The following DIAPH2 variants were observed in gnomAD, a reference collection of about 807,000 sequenced individuals.
DIAPH2 encodes protein diaphanous homolog 2.
A neutral mutation model predicts 92.7 loss-of-function variants in DIAPH2; 35 were observed. The observed-to-expected ratio is 0.38, with a 90% confidence interval of 0.29 to 0.50. The LOEUF (loss-of-function observed/expected upper bound fraction) is 0.50, where lower values mean the gene tolerates loss of function less well. Among genes scored for constraint, DIAPH2 ranks in the 20% least tolerant of loss-of-function variants. The pLI is 0.94. For missense variants in DIAPH2, 701 were observed against 819.5 expected (o/e 0.86, Z 1.77); for synonymous variants, 301 against 280.4 (o/e 1.07, Z -0.73).
chrX:96,715,280 TAAA>T (rs1002341981), intron 1 of DIAPH2, among the ~76,000 whole-genome samples: 1 of 110,671 alleles, frequency 9.0e-6, no homozygotes, highest in Non-Finnish European at 1.9e-5. Flanking sequence ...TCAGTCCAAA[TAAA>T]AAAAAATCTA....
chrX:97,360,883 T>C (rs1358554112), intron 24 of DIAPH2, among the ~76,000 whole-genome samples: 1 of 110,440 alleles, frequency 9.1e-6, no homozygotes, highest in East Asian at 2.8e-4. Context: ...GATGAAGCCT[T>C]TTTTAGGTGA....
intron 3 of DIAPH2, among the ~76,000 whole-genome samples, chrX:96,748,917 C>T (rs1263195244): frequency 9.0e-6 from 1 of 110,553 alleles, no homozygotes; most frequent in Non-Finnish European, 1.9e-5. Context: ...ATTTCAGTGT[C>T]CACAAATAAA....
rs184873024 is a variant in DIAPH2, at chrX:96,880,449, A to G, written c.448-1130A>G. ...TTTCTACATTGAGGAGGCATTCTCAATAAAAACCCAAATAGTGTGAAATCA... is the reference window on the plus strand; with the variant it reads ...TTTCTACATTGAGGAGGCATTCTCAGTAAAAACCCAAATAGTGTGAAATCA... On this transcript the variant is annotated intron_variant, in intron 4 of 26. Transcript: ENST00000324765. Among the ~76,000 whole-genome samples, 3 of 111,980 alleles carry G rather than the reference A, an allele frequency of 2.7e-5. No homozygotes were observed. The East Asian group carries it at 8.4e-4, about 31-fold the overall frequency.
intron 23 of DIAPH2, among the ~76,000 whole-genome samples, chrX:97,294,820 G>A (rs1198638625): frequency 9.0e-6 from 1 of 111,606 alleles, no homozygotes; most frequent in Non-Finnish European, 1.9e-5. Flanking sequence ...TTACATTTGT[G>A]TTTTCTTTAC....
At chrX:96,987,357 T>C (rs886202518) in intron 17 of DIAPH2, among the ~76,000 whole-genome samples, 16 of 111,682 alleles carry the variant, frequency 1.4e-4, no homozygotes, top group African/African-American at 4.9e-4. Context: ...TCAACAAATA[T>C]GTATTGAATT....
intron 10 of DIAPH2, among the ~76,000 whole-genome samples, chrX:96,931,062 T>G (rs893437504): frequency 2.7e-5 from 3 of 112,092 alleles, no homozygotes; most frequent in African/African-American, 9.7e-5. Flanking sequence ...GATGTGTTTT[T>G]GTTTTTTGTT....
chrX:97,536,728 T>C, intron 26 of DIAPH2, among the ~76,000 whole-genome samples: 1 of 111,939 alleles, frequency 8.9e-6, no homozygotes, highest in East Asian at 2.8e-4. Flanking sequence ...TTGAAAATCA[T>C]GTACCCTGAA....
Position 97,062,237 on chromosome X carries a change from T to G in DIAPH2, c.2051-10704T>G, listed in dbSNP as rs184659927. Among the ~76,000 whole-genome samples the G allele has an allele frequency of 2.7e-5, 3 of 112,247 alleles. No individual in the cohort carries two copies. In the East Asian group the frequency reaches 8.4e-4, roughly 32 times the overall value. ...ACCAAGTATTGCCTTCAGTGTTAGA[T>G]TCCAAGATTTGGAAGATATTATAAA... is the stretch of plus-strand genomic sequence containing the variant. On this transcript the variant is annotated intron_variant, in intron 17 of 26. Transcript: ENST00000324765.
intron 1 of DIAPH2, among the ~76,000 whole-genome samples, chrX:96,692,113 A>G (rs1361703114): frequency 8.9e-6 from 1 of 112,118 alleles, no homozygotes; most frequent in Non-Finnish European, 1.9e-5. Flanking sequence ...AGTTAATGAG[A>G]CTTTTTTACA....
rs752750648 is a variant in DIAPH2, at chrX:97,269,855, C to G, written c.2844+22016C>G. Reference sequence around the variant, plus strand: ...GCAACCTCTGCCTCCCGAGTTCAAGCGATTCTCCTGCCTCAGCCTCCCGAG... The same window carrying G: ...GCAACCTCTGCCTCCCGAGTTCAAGGGATTCTCCTGCCTCAGCCTCCCGAG... On this transcript the variant is annotated intron_variant, in intron 23 of 26. Transcript: ENST00000324765. 2.4e-4 allele frequency among the ~76,000 whole-genome samples: 26 copies of G among 108,825 alleles called. No individual in the cohort carries two copies. In the Admixed American group the frequency reaches 2.5e-3, roughly 10 times the overall value. The allele number at this position is 108,825 out of a possible 115,157, so 94.5% of individuals were successfully genotyped here. A position where few individuals can be genotyped will look rare whatever the true frequency, so the allele number is the denominator to read the frequency against.
rs1419830482 is a variant in DIAPH2, at chrX:97,111,001, A to C, written c.2350-3725A>C. Among the ~76,000 whole-genome samples, 6 of 111,197 alleles carry C rather than the reference A, an allele frequency of 5.4e-5. 1 individual carries two copies. The highest frequency in any genetic ancestry group is 1.3e-4 in the African/African-American group (4 of 30,448). ...CCGTCTCAAAAAAAACAAACAAAAA[A>C]AAAAAGATGCCCTATTTGATGTCTG... On this transcript the variant is annotated intron_variant, in intron 20 of 26. Transcript: ENST00000324765.
chrX:97,403,403 G>T (rs980920289), intron 25 of DIAPH2, among the ~76,000 whole-genome samples: 1 of 112,246 alleles, frequency 8.9e-6, no homozygotes, highest in Non-Finnish European at 1.9e-5. Context: ...GATATGTGAA[G>T]AAATAGTTCT....
chrX:97,099,700 G>A lies in DIAPH2; in HGVS notation c.2254G>A (p.Val752Met), dbSNP rs2066893816. Reference protein sequence around the residue: ...MLSEALIQNLVKHLPEQKILN... With the variant: ...MLSEALIQNLMKHLPEQKILN... ...TACTTTTATTTCTTTTTAGAACCTT[G>A]TGAAACATCTTCCTGAGCAGAAGAT... Residue 752 changes from valine to methionine, a missense_variant, in exon 20 of 27, where the codon GTG (valine) becomes ATG (methionine). Coordinates refer to ENST00000324765, the MANE Select transcript of DIAPH2 (RefSeq NM_006729.5). 8.6e-7 allele frequency: 1 copy of A among 1,163,155 alleles called. No homozygotes were observed. The highest frequency in any genetic ancestry group is 1.1e-6 in the Non-Finnish European group (1 of 872,251).
At chrX:97,245,088 T>C (rs12392855) in intron 22 of DIAPH2, among the ~76,000 whole-genome samples, 6,778 of 94,585 alleles carry the variant, frequency 0.072, 562 homozygotes, top group African/African-American at 0.23. Flanking sequence ...AGACTCCGTC[T>C]AAAAAAAAAA....
At chrX:97,455,060 G>A (rs1424665996) in intron 26 of DIAPH2, among the ~76,000 whole-genome samples, 4 of 111,353 alleles carry the variant, frequency 3.6e-5, no homozygotes, top group Non-Finnish European at 7.5e-5. Context: ...TCCTTACGGA[G>A]GCAGCAAAGT....
rs73534729 is a variant in DIAPH2 at position 97,130,965 on chromosome X, G to A, written c.2590-10700G>A. On this transcript the variant is annotated intron_variant, in intron 21 of 26. Coordinates refer to ENST00000324765, the MANE Select transcript of DIAPH2 (RefSeq NM_006729.5). Reference sequence around the variant, plus strand: ...ACAGAAAAATACAAAAATTAGCACGGTATGGTCGTGGGTGCCTGTAGTCAC... The same window carrying A: ...ACAGAAAAATACAAAAATTAGCACGATATGGTCGTGGGTGCCTGTAGTCAC... 1.0e-3 allele frequency among the ~76,000 whole-genome samples: 110 copies of A among 110,266 alleles called. 1 individual carries two copies. Among genetic ancestry groups the A allele is most frequent in the African/African-American group, 3.4e-3 (103 of 30,298 alleles).
Position 97,276,246 on chromosome X carries a change from C to T in DIAPH2, c.2844+28407C>T, listed in dbSNP as rs753894303. Among the ~76,000 whole-genome samples, 451 of 111,768 alleles carry T rather than the reference C, an allele frequency of 4.0e-3. 2 individuals carry two copies. Among genetic ancestry groups the T allele is most frequent in the Non-Finnish European group, 7.1e-3 (377 of 53,067 alleles). ...GCAGCAGTACAGTCCAGCTTCGGCT[C>T]GGCATCTGAGGGAGACCGTGGGGAG... On this transcript the variant is annotated intron_variant, in intron 23 of 26. Coordinates refer to ENST00000324765, the MANE Select transcript of DIAPH2 (RefSeq NM_006729.5).
chrX:96,806,871 G>C (rs1292945491), intron 4 of DIAPH2, among the ~76,000 whole-genome samples: 4 of 107,543 alleles, frequency 3.7e-5, no homozygotes, highest in Non-Finnish European at 7.7e-5. Context: ...CTCCCGAGTA[G>C]CTGGGACTAC....
chrX:97,390,953 G>A (rs545530673), intron 25 of DIAPH2, among the ~76,000 whole-genome samples: 3 of 111,375 alleles, frequency 2.7e-5, no homozygotes, highest in African/African-American at 6.5e-5. Context: ...CTCTATTTAC[G>A]TATCAGTCAA....
Sources: allele counts gnomAD v4.1 joint callset (sites outside exome capture counted in the v4.1 genomes callset), GRCh38; gene constraint gnomAD v4.1.1; transcripts MANE v1.5; gene names NCBI Gene and HGNC (gene_info 2026-07-23, HGNC 2026-07-21).